The following SMG6 variants were observed in gnomAD, a reference collection of about 807,000 sequenced individuals.
SMG6 encodes telomerase-binding protein EST1A.
A neutral mutation model predicts 142.2 loss-of-function variants in SMG6; 66 were observed. The ratio of observed to expected loss-of-function variants is 0.46; its 90% CI spans 0.38 to 0.57. The LOEUF (loss-of-function observed/expected upper bound fraction) is 0.57. Among genes scored for constraint, SMG6 ranks in the 20% least tolerant of loss-of-function variants. The pLI, the probability that SMG6 is intolerant of heterozygous loss-of-function variation, is 0.00. For missense variants in SMG6, 1,793 were observed against 1,832.0 expected (o/e 0.98, Z 0.39); for synonymous variants, 779 against 702.4 (o/e 1.11, Z -1.72).
rs537963524 is a variant in SMG6, at chr17:2,153,105, C to T, written c.3357+19553G>A. ...AGCTCTATATCAAGCTTATCCAACC[C>T]GTGGCCCACGCAGCCCAACGCAAAT... On this transcript the variant is annotated intron_variant, in intron 13 of 18. Coordinates refer to ENST00000263073, the MANE Select transcript of SMG6 (RefSeq NM_017575.5). 4.6e-5 allele frequency among the ~76,000 whole-genome samples: 7 copies of T among 152,316 alleles called. No homozygotes were observed. In the South Asian group the frequency reaches 1.2e-3, roughly 27 times the overall value.
chr17:2,105,091 T>TC (rs766022814), intron 13 of SMG6, among the ~76,000 whole-genome samples: 2 of 124,792 alleles, frequency 1.6e-5, no homozygotes, highest in Non-Finnish European at 3.7e-5. Flanking sequence ...TAATTTTTTT[T>TC]TTTTTTTTTT....
At chr17:2,136,698 T>C (rs1207111363) in intron 13 of SMG6, among the ~76,000 whole-genome samples, 3 of 151,628 alleles carry the variant, frequency 2.0e-5, no homozygotes, top group Non-Finnish European at 2.9e-5. Context: ...CAAAGACGAT[T>C]CAATCCCTGA....
rs370982451 is a variant in SMG6 at position 2,267,676 on chromosome 17, CA to C, written c.2661+14970del. Among the ~76,000 whole-genome samples the C allele has an allele frequency of 6.2e-4, 94 of 151,988 alleles. 1 individual carries two copies. The highest frequency in any genetic ancestry group is 2.1e-3 in the African/African-American group (87 of 41,506). On this transcript the variant is annotated intron_variant, in intron 8 of 18. Transcript: ENST00000263073. ...AGATTAAATCAGTGCTTGTGCTATCCAGAGAGAACCAGGCCAAAAGCTTTCT... is the reference window on the plus strand; with the variant it reads ...AGATTAAATCAGTGCTTGTGCTATCCGAGAGAACCAGGCCAAAAGCTTTCT...
intron 12 of SMG6, among the ~76,000 whole-genome samples, chr17:2,182,662 C>G (rs2071841907): frequency 6.6e-6 from 1 of 152,150 alleles, no homozygotes; most frequent in South Asian, 2.1e-4. Flanking sequence ...CCAAGTCAAA[C>G]AAGCTCCCCT....
At chr17:2,197,393 G>A (rs149658489) in intron 10 of SMG6, among the ~76,000 whole-genome samples, 1 of 151,218 alleles carries the variant, frequency 6.6e-6, no homozygotes, top group Non-Finnish European at 1.5e-5. Context: ...GCAAGACTGT[G>A]TCTCTAAAAA....
intron 10 of SMG6, among the ~76,000 whole-genome samples, chr17:2,191,242 C>T (rs563633010): frequency 1.1e-4 from 16 of 152,314 alleles, no homozygotes; most frequent in African/African-American, 3.6e-4. Flanking sequence ...CTTGGCCTCA[C>T]GTAGGCTTCC....
intron 8 of SMG6, among the ~76,000 whole-genome samples, chr17:2,253,110 A>AATATT (rs2074083512): frequency 7.0e-6 from 1 of 143,520 alleles, no homozygotes; most frequent in Admixed American, 7.1e-5. Context: ...CAAAGCCTAA[A>AATATT]ATATTTTATT....
intron 13 of SMG6, among the ~76,000 whole-genome samples, chr17:2,091,438 G>A (rs1260304024): frequency 6.6e-6 from 1 of 152,176 alleles, no homozygotes; most frequent in East Asian, 1.9e-4. Flanking sequence ...AATTGAGAAA[G>A]AGGCTCATGG....
chr17:2,163,690 A>AT lies in SMG6; in HGVS notation c.3357+8967dup, dbSNP rs375744512. The stretch of plus-strand genomic sequence containing the variant: ...CTTCCAACAGTCTTATTAATACTTC[A>AT]TTTTTTTTTTTTTCACGTCTTACTG... On this transcript the variant is annotated intron_variant, in intron 13 of 18. Transcript: ENST00000263073. Among the ~76,000 whole-genome samples, 512 of 143,612 alleles carry AT rather than the reference A, an allele frequency of 3.6e-3. 2 individuals are homozygous for AT. The highest frequency in any genetic ancestry group is 6.1e-3 in the African/African-American group (238 of 39,198). The allele number at this position is 143,612 out of a possible 152,430, so 94.2% of individuals were successfully genotyped here. A position where few individuals can be genotyped will look rare whatever the true frequency, so the allele number is the denominator to read the frequency against.
intron 13 of SMG6, among the ~76,000 whole-genome samples, chr17:2,120,275 G>C (rs944152287): frequency 3.9e-5 from 6 of 152,236 alleles, no homozygotes; most frequent in Middle Eastern, 3.4e-3. Context: ...TAAGACACAG[G>C]CTTTGTGAAA....
rs568006208 is a variant in SMG6, at chr17:2,249,048, C to G, written c.2662-4329G>C. The stretch of plus-strand genomic sequence containing the variant: ...ACTACAGGCGCCCGCCACCACGCCC[C>G]GTTAATTTTTTTTTTTTTGTATTTT... On this transcript the variant is annotated intron_variant, in intron 8 of 18. Coordinates refer to ENST00000263073, the MANE Select transcript of SMG6 (RefSeq NM_017575.5). Among the ~76,000 whole-genome samples the G allele has an allele frequency of 1.3e-4, 20 of 150,980 alleles. No individual in the cohort carries two copies. The East Asian group carries it at 1.6e-3, about 12-fold the overall frequency.
chr17:2,292,117 GA>G (rs2075051224), intron 6 of SMG6, among the ~76,000 whole-genome samples: 1 of 152,160 alleles, frequency 6.6e-6, no homozygotes, highest in South Asian at 2.1e-4. Flanking sequence ...AAAGTTAAAA[GA>G]AGTAACAGGG....
At chr17:2,286,489 C>CCATT (rs768875792) in intron 6 of SMG6, among the ~76,000 whole-genome samples, 1 of 152,076 alleles carries the variant, frequency 6.6e-6, no homozygotes, top group Non-Finnish European at 1.5e-5. Flanking sequence ...GGAACCAAGA[C>CCATT]CATTCAATGA....
At chr17:2,249,072 T>C (rs542305413) in intron 8 of SMG6, among the ~76,000 whole-genome samples, 585 of 152,060 alleles carry the variant, frequency 3.8e-3, no homozygotes, top group Non-Finnish European at 6.2e-3. Flanking sequence ...TTTTTGTATT[T>C]TCAGTAGAGA....
At chr17:2,133,299 G>A (rs2070185981) in intron 13 of SMG6, among the ~76,000 whole-genome samples, 1 of 152,102 alleles carries the variant, frequency 6.6e-6, no homozygotes, top group South Asian at 2.1e-4. Flanking sequence ...CTAAGACAAA[G>A]CAAGTCCTCA....
At chr17:2,188,798 G>A (rs910636564) in intron 10 of SMG6, among the ~76,000 whole-genome samples, 21 of 152,176 alleles carry the variant, frequency 1.4e-4, no homozygotes, top group African/African-American at 5.1e-4. Flanking sequence ...GGAGCTGCAT[G>A]GTCTCTGCCT....
At chr17:2,131,418 C>T (rs150073726) in intron 13 of SMG6, among the ~76,000 whole-genome samples, 2,781 of 152,158 alleles carry the variant, frequency 0.018, 51 homozygotes, top group South Asian at 0.064. Flanking sequence ...GCCTCAGCCT[C>T]CTGAGTAGCT....
chr17:2,221,308 CG>C (rs2073163383), intron 10 of SMG6, among the ~76,000 whole-genome samples: 1 of 152,006 alleles, frequency 6.6e-6, no homozygotes, highest in Non-Finnish European at 1.5e-5. Flanking sequence ...ATGGAGCTCT[CG>C]GGACATCTGG....
At chr17:2,095,437 C>G (rs950223088) in intron 13 of SMG6, among the ~76,000 whole-genome samples, 1 of 152,194 alleles carries the variant, frequency 6.6e-6, no homozygotes, top group Non-Finnish European at 1.5e-5. Context: ...TCGGAGACAT[C>G]TGTAGTCTTC....
Sources: allele counts gnomAD v4.1 joint callset (sites outside exome capture counted in the v4.1 genomes callset), GRCh38; gene constraint gnomAD v4.1.1; transcripts MANE v1.5; gene names NCBI Gene and HGNC (gene_info 2026-07-23, HGNC 2026-07-21).